The following TRAPPC9 variants were observed in gnomAD, a reference collection of about 807,000 sequenced individuals.
TRAPPC9 encodes the protein trafficking protein particle complex subunit 9.
Under a neutral mutation model 124.0 loss-of-function variants are expected in TRAPPC9, and 83 were observed. That is an observed-to-expected ratio of 0.67 (90% confidence interval 0.56 to 0.80). The LOEUF (loss-of-function observed/expected upper bound fraction) is 0.80. Among genes scored for constraint, TRAPPC9 ranks in the 30% least tolerant of loss-of-function variants. The pLI is 0.00. For synonymous variants in TRAPPC9, 638 were observed against 617.5 expected (o/e 1.03, Z -0.49); for missense variants, 1,302 against 1,508.3 (o/e 0.86, Z 2.27).
intron 17 of TRAPPC9, among the ~76,000 whole-genome samples, chr8:140,157,034 A>AAAGCCTCCCTTTTCCATTCAG (rs1563804295): frequency 6.9e-5 from 3 of 43,372 alleles, no homozygotes; most frequent in Non-Finnish European, 1.0e-4. Context: ...TTTCCATTCA[A>AAAGCCTCCCTTTTCCATTCAG]AAGCCTCCCT....
Position 139,962,458 on chromosome 8 carries a change from C to A in TRAPPC9, c.2810+26268G>T, listed in dbSNP as rs1835412288. Among the ~76,000 whole-genome samples the A allele has an allele frequency of 1.6e-5, 2 of 125,384 alleles. 1 individual carries two copies. Among genetic ancestry groups the A allele is most frequent in the Non-Finnish European group, 3.8e-5 (2 of 52,490 alleles). The allele number at this position is 125,384 out of a possible 152,430, so 82.3% of individuals were successfully genotyped here. A position where few individuals can be genotyped will look rare whatever the true frequency, so the allele number is the denominator to read the frequency against. The stretch of plus-strand genomic sequence containing the variant: ...TTTTCATTCATCCATTCATTCAACA[C>A]ACACACAGTATTTGTGGTTTTTCAG... On this transcript the variant is annotated intron_variant, in intron 19 of 22. Transcript: ENST00000438773.
chr8:140,151,261 G>T (rs375250601), intron 17 of TRAPPC9, among the ~76,000 whole-genome samples: 6 of 152,198 alleles, frequency 3.9e-5, no homozygotes, highest in African/African-American at 9.6e-5. Flanking sequence ...TCAGGCCTCC[G>T]GGCTCAGACT....
rs532645671 is a variant in TRAPPC9 at position 140,322,031 on chromosome 8, T to C, written c.1496-10657A>G. Among the ~76,000 whole-genome samples, 13 of 152,158 alleles carry C rather than the reference T, an allele frequency of 8.5e-5. No individual in the cohort carries two copies. The South Asian group carries it at 1.7e-3, about 19-fold the overall frequency. On this transcript the variant is annotated intron_variant, in intron 9 of 22. Transcript: ENST00000438773. ...AAGCAGCAAAGCTTGAAGAAACCCC[T>C]CCAAGGCATCAGGACCCTTCACTGA...
Position 140,404,680 on chromosome 8 carries a change from ATG to A in TRAPPC9, c.1008+895_1008+896del, listed in dbSNP as rs538188293. Reference sequence around the variant, plus strand: ...ATAAGATGTGCGCGTGTATGTGAGCATGTGTGTGTACGTGCATGTGTGCGCAC... The same window carrying A: ...ATAAGATGTGCGCGTGTATGTGAGCATGTGTGTACGTGCATGTGTGCGCAC... On this transcript the variant is annotated intron_variant, in intron 6 of 22. Coordinates refer to ENST00000438773, the MANE Select transcript of TRAPPC9 (RefSeq NM_001160372.4). 5.4e-3 allele frequency among the ~76,000 whole-genome samples: 821 copies of A among 152,006 alleles called. 7 individuals carry two copies. Among genetic ancestry groups the A allele is most frequent in the Middle Eastern group, 0.034 (10 of 292 alleles).
chr8:140,212,771 C>A (rs911538927), intron 17 of TRAPPC9, among the ~76,000 whole-genome samples: 1 of 151,926 alleles, frequency 6.6e-6, no homozygotes, highest in Non-Finnish European at 1.5e-5. Context: ...CGTTTTTTTT[C>A]TTTTGTCTTT....
intron 17 of TRAPPC9, among the ~76,000 whole-genome samples, chr8:140,049,491 C>G (rs1256999568): frequency 6.6e-6 from 1 of 152,014 alleles, no homozygotes; most frequent in Non-Finnish European, 1.5e-5. Context: ...AGCCGGCCCT[C>G]GGTGATGTGT....
intron 16 of TRAPPC9, among the ~76,000 whole-genome samples, chr8:140,229,221 G>A (rs1026889003): frequency 6.9e-6 from 1 of 144,582 alleles, no homozygotes; most frequent in Non-Finnish European, 1.5e-5. Context: ...CGAACATTGT[G>A]CTTTAGTCAA....
At chr8:140,152,355 C>G in intron 17 of TRAPPC9, among the ~76,000 whole-genome samples, 1 of 93,856 alleles carries the variant, frequency 1.1e-5, no homozygotes, top group Non-Finnish European at 2.0e-5. Context: ...ATATTGCCAT[C>G]TTTTTTTTTT....
intron 21 of TRAPPC9, among the ~76,000 whole-genome samples, chr8:139,755,844 G>C (rs1819717359): frequency 1.4e-5 from 2 of 141,434 alleles, no homozygotes; most frequent in Admixed American, 6.9e-5. Flanking sequence ...GAGGAGCCAG[G>C]GTTTGGGGAT....
chr8:140,218,004 A>C (rs1388855812), intron 17 of TRAPPC9, among the ~76,000 whole-genome samples: 1 of 138,800 alleles, frequency 7.2e-6, no homozygotes, highest in Non-Finnish European at 1.7e-5. Context: ...GCAAGAGAGC[A>C]ATACTCTGTC....
intron 15 of TRAPPC9, among the ~76,000 whole-genome samples, chr8:140,264,072 G>A (rs2064528836): frequency 1.3e-5 from 2 of 152,162 alleles, no homozygotes; most frequent in South Asian, 2.1e-4. Context: ...CTGCCTTGCC[G>A]TGATTATTTT....
intron 19 of TRAPPC9, chr8:139,914,864 C>A: frequency 6.6e-6 from 1 of 152,374 alleles, no homozygotes. Flanking sequence ...GCACATCCCT[C>A]CTCGTCCTGG....
intron 10 of TRAPPC9, among the ~76,000 whole-genome samples, chr8:140,306,358 G>T (rs1410102184): frequency 6.6e-6 from 1 of 152,026 alleles, no homozygotes; most frequent in Non-Finnish European, 1.5e-5. Flanking sequence ...GCCAGGCATG[G>T]TGGCACGCAC....
chr8:139,893,647 C>T (rs118088716), intron 20 of TRAPPC9, among the ~76,000 whole-genome samples: 14 of 152,336 alleles, frequency 9.2e-5, no homozygotes, highest in East Asian at 3.9e-4. Flanking sequence ...AAGAAAATGA[C>T]GGTATTCATC....
chr8:140,051,988 G>A (rs1587599506), intron 17 of TRAPPC9, among the ~76,000 whole-genome samples: 2 of 152,206 alleles, frequency 1.3e-5, no homozygotes, highest in South Asian at 2.1e-4. Flanking sequence ...AGAAGAAAAC[G>A]TTCTCCCCCA....
chr8:140,064,292 C>A (rs1433763400), intron 17 of TRAPPC9, among the ~76,000 whole-genome samples: 1 of 152,090 alleles, frequency 6.6e-6, no homozygotes, highest in Non-Finnish European at 1.5e-5. Flanking sequence ...GGTTTTACAA[C>A]GTGACATTCA....
At chr8:140,375,710 G>A (rs2068419370) in intron 7 of TRAPPC9, among the ~76,000 whole-genome samples, 1 of 152,212 alleles carries the variant, frequency 6.6e-6, no homozygotes, top group Non-Finnish European at 1.5e-5. Flanking sequence ...GTTAGTTAAT[G>A]CCTTTGACAC....
chr8:139,768,121 C>A (rs77842734), intron 21 of TRAPPC9, among the ~76,000 whole-genome samples: 47 of 152,268 alleles, frequency 3.1e-4, no homozygotes, highest in Non-Finnish European at 5.3e-4. Flanking sequence ...GGGCTAAATA[C>A]TTTCTGGAAC....
At chr8:140,269,299 T>C (rs61173126) in intron 15 of TRAPPC9, among the ~76,000 whole-genome samples, 37,338 of 151,758 alleles carry the variant, frequency 0.25, 4,990 homozygotes, top group African/African-American at 0.35. Flanking sequence ...CCCAGCACTT[T>C]GGGAGACTGA....
Sources: gnomAD v4.1 joint callset for allele counts (sites outside exome capture counted in the v4.1 genomes callset) on GRCh38, gnomAD v4.1.1 for gene constraint, MANE v1.5 for transcripts, NCBI Gene and HGNC (gene_info 2026-07-23, HGNC 2026-07-21) for gene names.